The following LYN variants were observed in gnomAD, a reference collection of about 807,000 sequenced individuals.
LYN encodes the protein tyrosine-protein kinase Lyn.
In LYN, 12 loss-of-function variants were observed where a neutral mutation model predicts 65.0. The observed-to-expected ratio is 0.18, with a 90% CI of 0.12 to 0.30. LYN has a LOEUF of 0.30. LYN is among the 10% of genes least tolerant of loss of function. The pLI, the probability that LYN is intolerant of heterozygous loss-of-function variation, is 1.00. For missense variants in LYN, 380 were observed against 623.2 expected, an observed-to-expected ratio of 0.61 and a Z score of 4.16; for synonymous variants, 222 against 221.2, an observed-to-expected ratio of 1.00 and a Z score of -0.03.
intron 12 of LYN, 149 bp downstream of exon 12, chr8:55,999,698 A>T: frequency 1.2e-6 from 1 of 855,650 alleles, no homozygotes; most frequent in Non-Finnish European, 1.8e-6. Flanking sequence ...CGGGCTGGGC[A>T]TGGTGGCTCA....
intron 1 of LYN, among the ~76,000 whole-genome samples, chr8:55,928,529 C>T (rs576637730): frequency 1.3e-5 from 2 of 152,280 alleles, no homozygotes; most frequent in African/African-American, 4.8e-5. Flanking sequence ...TGTAGCTCTT[C>T]TTTGGTGAGG....
At chr8:55,936,821 C>CA (rs1189282123) in intron 1 of LYN, among the ~76,000 whole-genome samples, 1 of 151,892 alleles carries the variant, frequency 6.6e-6, no homozygotes, top group East Asian at 1.9e-4. Flanking sequence ...ATAAAAGCAA[C>CA]AAAAAAAGAA....
intron 1 of LYN, among the ~76,000 whole-genome samples, chr8:55,926,918 G>A (rs569268989): frequency 2.6e-5 from 4 of 152,252 alleles, no homozygotes; most frequent in South Asian, 2.1e-4. Flanking sequence ...TAGGCAGTGC[G>A]CCCAGAGCTG....
In LYN at chr8:55,981,510, T is replaced by G. The variant is rs146958078; in HGVS notation, c.1050+11717T>G. 7.6e-4 allele frequency among the ~76,000 whole-genome samples: 116 copies of G among 152,288 alleles called. No homozygotes were observed. The East Asian group carries it at 0.02, about 27-fold the overall frequency. ...TGAGTAACTAGAAGAACATATTTTT[T>G]GTGTGTTTAAAAAAATTTTTTTTAA... On this transcript the variant is annotated intron_variant, in intron 10 of 12. Transcript: ENST00000519728.
At chr8:55,943,326 C>T (rs1806680910) in intron 2 of LYN, among the ~76,000 whole-genome samples, 1 of 152,120 alleles carries the variant, frequency 6.6e-6, no homozygotes, top group Admixed American at 6.6e-5. Context: ...TCAGGCTGGG[C>T]ATGGTGGTTC....
At chr8:55,991,050 C>T (rs555086205) in intron 10 of LYN, among the ~76,000 whole-genome samples, 1 of 152,200 alleles carries the variant, frequency 6.6e-6, no homozygotes, top group African/African-American at 2.4e-5. Flanking sequence ...AGAGACACGC[C>T]GGCAGTACTA....
chr8:55,936,291 A>G (rs1806435073), intron 1 of LYN, among the ~76,000 whole-genome samples: 1 of 152,176 alleles, frequency 6.6e-6, no homozygotes, highest in African/African-American at 2.4e-5. Flanking sequence ...CAGAAAACTC[A>G]TGGATCTGGA....
intron 1 of LYN, among the ~76,000 whole-genome samples, chr8:55,926,402 A>G (rs1407820302): frequency 2.0e-5 from 3 of 152,230 alleles, no homozygotes; most frequent in Non-Finnish European, 4.4e-5. Context: ...TCAGAGCTAC[A>G]TTATCAGATG....
intron 2 of LYN, 51 bp from the exon 3 acceptor site, chr8:55,946,393 TGTGA>T (rs1352208216): frequency 7.2e-6 from 8 of 1,109,264 alleles, no homozygotes; most frequent in Middle Eastern, 2.0e-4. Context: ...ACAACACGAA[TGTGA>T]GTAAGAAAAG....
chr8:55,900,539 ATTTTTTTTTTTT>A (rs5891598), intron 1 of LYN, among the ~76,000 whole-genome samples: 1 of 126,428 alleles, frequency 7.9e-6, no homozygotes, highest in African/African-American at 3.0e-5. Flanking sequence ...TGCCCAGCTA[ATTTTTTTTTTTT>A]TTTTTTTTTG....
At chr8:55,977,333 C>T (rs1443752438) in intron 10 of LYN, among the ~76,000 whole-genome samples, 6 of 152,180 alleles carry the variant, frequency 3.9e-5, no homozygotes, top group African/African-American at 1.4e-4. Flanking sequence ...ACAGGACTTA[C>T]AGTTTTACCC....
chr8:55,970,467 T>A (rs1807581177), intron 10 of LYN, among the ~76,000 whole-genome samples: 1 of 152,190 alleles, frequency 6.6e-6, no homozygotes, highest in African/African-American at 2.4e-5. Context: ...ACTAGTTTCA[T>A]TGTGTCCATT....
chr8:55,999,444 G>C lies in LYN; in HGVS notation c.1231G>C (p.Ala411Pro). 1 of 1,613,876 alleles carries C rather than the reference G, an allele frequency of 6.2e-7. No homozygotes were observed. Among genetic ancestry groups the C allele is most frequent in the Non-Finnish European group, 8.5e-7 (1 of 1,179,786 alleles). Reference sequence around the variant, plus strand: ...TGCTAAGTTCCCTATTAAGTGGACGGCTCCAGAAGCAATCAACTTTGGATG... The same window carrying C: ...TGCTAAGTTCCCTATTAAGTGGACGCCTCCAGAAGCAATCAACTTTGGATG... ...EGAKFPIKWTAPEAINFGCFT... is the reference protein window; with the variant it reads ...EGAKFPIKWTPPEAINFGCFT... Residue 411 changes from alanine to proline, a missense_variant, in exon 12 of 13, where the codon GCT becomes CCT. Around this residue, in one of 2 missense-constraint regions of LYN, gnomAD observed 223 missense variants for 430.0 expected, o/e 0.52. Transcript: ENST00000519728.
chr8:55,943,231 A>C lies in LYN; in HGVS notation c.132+1240A>C, dbSNP rs191552550. Reference sequence around the variant, plus strand: ...CTCACTGTATACATGTATACCACCCATAGCCTGCTTTCTATGGAATTCTGC... The same window carrying C: ...CTCACTGTATACATGTATACCACCCCTAGCCTGCTTTCTATGGAATTCTGC... On this transcript the variant is annotated intron_variant, in intron 2 of 12. Transcript: ENST00000519728. Among the ~76,000 whole-genome samples, 81 of 152,262 alleles carry C rather than the reference A, an allele frequency of 5.3e-4. 1 individual carries two copies. The Middle Eastern group carries it at 0.01, about 19-fold the overall frequency.
intron 1 of LYN, among the ~76,000 whole-genome samples, chr8:55,939,355 G>T (rs909686894): frequency 4.6e-5 from 7 of 152,210 alleles, no homozygotes; most frequent in Non-Finnish European, 1.0e-4. Flanking sequence ...ATGGTGGAAA[G>T]AAATTAAGCA....
intron 12 of LYN, among the ~76,000 whole-genome samples, chr8:56,003,868 T>G (rs904196740): frequency 6.6e-6 from 1 of 151,808 alleles, no homozygotes; most frequent in African/African-American, 2.4e-5. Flanking sequence ...AATTTTCTTC[T>G]TGATGAATTT....
At chr8:55,911,192 C>T (rs1427780710) in intron 1 of LYN, among the ~76,000 whole-genome samples, 14 of 8,764 alleles carry the variant, frequency 1.6e-3, no homozygotes, top group South Asian at 9.6e-3. Flanking sequence ...TATATATACA[C>T]ACACACATAT....
chr8:55,907,710 A>T (rs1805468771), intron 1 of LYN, among the ~76,000 whole-genome samples: 1 of 152,038 alleles, frequency 6.6e-6, no homozygotes, highest in African/African-American at 2.4e-5. Flanking sequence ...CTACAAAAAT[A>T]AAAAAATTAA....
At chr8:55,930,210 G>A (rs1806220828) in intron 1 of LYN, among the ~76,000 whole-genome samples, 1 of 152,202 alleles carries the variant, frequency 6.6e-6, no homozygotes, top group Admixed American at 6.5e-5. Context: ...GACTCCTGAT[G>A]ATTTGCCATC....
Sources: gnomAD v4.1 joint callset for allele counts (sites outside exome capture counted in the v4.1 genomes callset) on GRCh38, gnomAD v4.1.1 for gene constraint, gnomAD v4.1.1 regional missense constraint, MANE v1.5 for transcripts, NCBI Gene and HGNC (gene_info 2026-07-23, HGNC 2026-07-21) for gene names.